The following KCNAB2 variants were observed in gnomAD, a reference collection of about 807,000 sequenced individuals.
KCNAB2 encodes potassium voltage-gated channel subfamily A regulatory beta subunit 2.
KCNAB2 carries 29 observed loss-of-function variants against 63.6 expected under a neutral mutation model. The ratio of observed to expected loss-of-function variants is 0.46; its 90% CI spans 0.34 to 0.62. The LOEUF is 0.62. Among genes scored for constraint, KCNAB2 ranks in the 20% least tolerant of loss-of-function variants. The pLI is 0.01. For synonymous variants in KCNAB2, 222 were observed against 224.2 expected (o/e 0.99, Z 0.09); for missense variants, 359 against 563.9 (o/e 0.64, Z 3.68).
chr1:6,051,544 C>G lies in KCNAB2; in HGVS notation c.8C>G (p.Ser3Cys). The change falls in exon 2 of 16, where the codon TCC becomes TGC. Residue 3 changes from serine to cysteine, a missense_variant. Around this residue, in one of 2 missense-constraint regions of KCNAB2, gnomAD observed 88 missense variants for 87.8 expected, o/e 1.00. Transcript: ENST00000378083. ...CCCAAGCCAGGCGGCACCATGCTGT[C>G]CATGACGTACAGCGAGAGTCTGCGG... is the stretch of plus-strand genomic sequence containing the variant. ML[S>C]MTYSESLRSV... 1.3e-6 allele frequency: 2 copies of G among 1,528,324 alleles called. No homozygotes were observed. The highest frequency in any genetic ancestry group is 1.8e-6 in the Non-Finnish European group (2 of 1,141,388). 94.7% of individuals were successfully genotyped at this position (1,528,324 alleles called of 1,614,324 possible). A position where few individuals can be genotyped will look rare whatever the true frequency, so the allele number is the denominator to read the frequency against.
rs940915432 is a variant in KCNAB2 at position 6,046,208 on chromosome 1, C to A, written c.-27+25C>A. 51 of 985,328 alleles carry A rather than the reference C, an allele frequency of 5.2e-5. No individual in the cohort carries two copies. In the Middle Eastern group the frequency reaches 1.6e-3, roughly 30 times the overall value. The allele number at this position is 985,328 out of a possible 1,614,324, so 61.0% of individuals were successfully genotyped here. A position where few individuals can be genotyped will look rare whatever the true frequency, so the allele number is the denominator to read the frequency against. ...GGTGAGTCCTCCCTTCAGCCGCTAC[C>A]TTCCTAGTGGAGATGCCGCTTGGGG... On this transcript the variant is annotated intron_variant, in intron 1 of 15. Transcript: ENST00000378083.
Position 6,098,982 on chromosome 1 carries a change from C to G in KCNAB2, c.*408C>G. 6.0e-6 allele frequency: 1 copy of G among 167,408 alleles called. No individual in the cohort carries two copies. The highest frequency in any genetic ancestry group is 1.5e-4 in the South Asian group (1 of 6,534). 10.4% of individuals were successfully genotyped at this position (167,408 alleles called of 1,614,324 possible). On this transcript the variant is annotated 3_prime_UTR_variant, in exon 16 of 16. Coordinates refer to ENST00000378083, the MANE Select transcript of KCNAB2 (RefSeq NM_001199862.2). ...GGGGCGGGCAGGGCCAGCCTCTCCT[C>G]TGCTGAGAATCCCCACTTGGTGTAG...
intron 1 of KCNAB2, among the ~76,000 whole-genome samples, chr1:6,017,062 C>T (rs762068203): frequency 6.6e-6 from 1 of 152,092 alleles, no homozygotes; most frequent in Non-Finnish European, 1.5e-5. Flanking sequence ...TGCCGAGCTC[C>T]GTACAGGCCG....
Position 6,094,376 on chromosome 1 carries a change from C to T in KCNAB2, c.647-24C>T, listed in dbSNP as rs199846396. On this transcript the variant is annotated intron_variant, in intron 10 of 15. Transcript: ENST00000378083. ...CTGAGCCCTGGCTGCCCCCCACCTG[C>T]GGTTTCCCTTTCTCTCACGACAGAG... The T allele has an allele frequency of 2.3e-4, 373 of 1,589,658 alleles. 1 individual carries two copies. In the African/African-American group the frequency reaches 4.4e-3, roughly 19 times the overall value.
chr1:6,095,460 C>T lies in KCNAB2; in HGVS notation c.853+17C>T. 6.2e-7 allele frequency: 1 copy of T among 1,612,492 alleles called. No homozygotes were observed. The highest frequency in any genetic ancestry group is 8.5e-7 in the Non-Finnish European group (1 of 1,179,764). On this transcript the variant is annotated intron_variant, in intron 12 of 15. Transcript: ENST00000378083. Reference sequence around the variant, plus strand: ...ACAAGATAGGTGGGCACCCTCGGGCCCCTCGCCCCGCCCCACCCCACCCCT... The same window carrying T: ...ACAAGATAGGTGGGCACCCTCGGGCTCCTCGCCCCGCCCCACCCCACCCCT...
rs142999618 is a variant in KCNAB2 at position 6,086,245 on chromosome 1, G to T, written c.425+997G>T. ...AATCCCAGTGCCAAGGGGAGCCCCCGCCCCCTCCCCCATGGATTCCTGACA... is the reference window on the plus strand; with the variant it reads ...AATCCCAGTGCCAAGGGGAGCCCCCTCCCCCTCCCCCATGGATTCCTGACA... On this transcript the variant is annotated intron_variant, in intron 6 of 15. Coordinates refer to ENST00000378083, the MANE Select transcript of KCNAB2 (RefSeq NM_001199862.2). The surrounding 1 kb of genome is among the most constrained non-coding windows in gnomAD (Gnocchi z 4.2). 9 of 703,506 alleles carry T rather than the reference G, an allele frequency of 1.3e-5. No homozygotes were observed. Among genetic ancestry groups the T allele is most frequent in the South Asian group, 1.3e-4 (2 of 15,036 alleles). 43.6% of individuals were successfully genotyped at this position (703,506 alleles called of 1,614,324 possible). A position where few individuals can be genotyped will look rare whatever the true frequency, so the allele number is the denominator to read the frequency against.
At chr1:6,054,367 C>T (rs796415592) in intron 2 of KCNAB2, among the ~76,000 whole-genome samples, 72 of 152,270 alleles carry the variant, frequency 4.7e-4, no homozygotes, top group African/African-American at 1.6e-3. Flanking sequence ...AGGTGGCTCA[C>T]GCCTGTAATC....
At chr1:6,040,153 C>A (rs548671661) in intron 1 of KCNAB2, among the ~76,000 whole-genome samples, 1 of 152,342 alleles carries the variant, frequency 6.6e-6, no homozygotes, top group African/African-American at 2.4e-5. Flanking sequence ...ACACAGATGC[C>A]CCCTGGGCGG....
chr1:6,053,864 G>A (rs1310101419), intron 2 of KCNAB2, among the ~76,000 whole-genome samples: 8 of 151,336 alleles, frequency 5.3e-5, no homozygotes, highest in East Asian at 2.0e-4. Flanking sequence ...GTAACATGGC[G>A]AAACCCCATC....
At chr1:6,030,540 TATG>T (rs1450764907), upstream of KCNAB2, among the ~76,000 whole-genome samples, 1 of 151,924 alleles carries the variant, frequency 6.6e-6, no homozygotes, top group Non-Finnish European at 1.5e-5. Context: ...TGTGTGTACA[TATG>T]TGTGTATGTG....
In KCNAB2 at chr1:6,078,450, G is replaced by A. The variant is rs546046031; in HGVS notation, c.301-3745G>A. ...AGTAGAAAAAGGAGGGCAGGGGGGC[G>A]GGGGTCCTGACGACAGGGTGGTCAG... On this transcript the variant is annotated intron_variant, in intron 4 of 15. Coordinates refer to ENST00000378083, the MANE Select transcript of KCNAB2 (RefSeq NM_001199862.2). The surrounding 1 kb of genome is among the most constrained non-coding windows in gnomAD (Gnocchi z 4.2). Among the ~76,000 whole-genome samples, 18 of 152,222 alleles carry A rather than the reference G, an allele frequency of 1.2e-4. No individual in the cohort carries two copies. The highest frequency in any genetic ancestry group is 2.6e-4 in the African/African-American group (11 of 41,520).
At chr1:6,025,577 C>T (rs1322178139) in intron 1 of KCNAB2, among the ~76,000 whole-genome samples, 1 of 152,230 alleles carries the variant, frequency 6.6e-6, no homozygotes, top group Non-Finnish European at 1.5e-5. Context: ...CTGGCCCGTC[C>T]TCCCCAGGGC....
intron 5 of KCNAB2, among the ~76,000 whole-genome samples, chr1:6,084,999 G>T (rs991485516): frequency 1.3e-5 from 2 of 152,160 alleles, no homozygotes; most frequent in Non-Finnish European, 2.9e-5. Flanking sequence ...CCATCCTAGT[G>T]GGGGGCAATA....
chr1:6,023,955 T>TTC (rs1658991580), intron 1 of KCNAB2, among the ~76,000 whole-genome samples: 1 of 145,570 alleles, frequency 6.9e-6, no homozygotes. Flanking sequence ...TTTTTTTTTT[T>TTC]CGAGATGGAA....
chr1:6,040,375 G>A lies in KCNAB2; in HGVS notation c.-52-142G>A, dbSNP rs1660398970. On this transcript the variant is annotated intron_variant, in intron 1 of 15. Transcript: ENST00000164247. Reference sequence around the variant, plus strand: ...GTGTCTGTCTGTCGTCTGTCTGTCTGTCTCTCTGCTGAGGGGCTCCCCGAT... The same window carrying A: ...GTGTCTGTCTGTCGTCTGTCTGTCTATCTCTCTGCTGAGGGGCTCCCCGAT... The A allele has an allele frequency of 6.4e-6, 4 of 621,134 alleles. No individual in the cohort carries two copies. In the Admixed American group the frequency reaches 1.1e-4, roughly 17 times the overall value. 38.5% of individuals were successfully genotyped at this position (621,134 alleles called of 1,614,324 possible).
rs559664613 is a variant in KCNAB2, at chr1:6,054,215, G to A, written c.218+2461G>A. Among the ~76,000 whole-genome samples, 23 of 152,176 alleles carry A rather than the reference G, an allele frequency of 1.5e-4. No individual in the cohort carries two copies. The South Asian group carries it at 3.7e-3, about 25-fold the overall frequency. On this transcript the variant is annotated intron_variant, in intron 2 of 15. Transcript: ENST00000378083. The stretch of plus-strand genomic sequence containing the variant: ...GTGGTGATAGAGAGTGGAGTGACGG[G>A]TCCACAACCCAAGGGACTCTGAGGA...
In KCNAB2 at chr1:6,015,016, C is replaced by CTTTT. The variant is rs34742623; in HGVS notation, c.-53+22251_-53+22254dup. ...TTTTATTACAGACGGGGTCACCTTC[C>CTTTT]TTTTTTTTTTTTTTTTTTTTTTTTT... On this transcript the variant is annotated intron_variant, in intron 1 of 16. Transcript: ENST00000341524. Among the ~76,000 whole-genome samples, 320 of 82,820 alleles carry CTTTT rather than the reference C, an allele frequency of 3.9e-3. 4 individuals carry two copies. The highest frequency in any genetic ancestry group is 4.8e-3 in the East Asian group (13 of 2,706). The allele number at this position is 82,820 out of a possible 152,430, so 54.3% of individuals were successfully genotyped here. A position where few individuals can be genotyped will look rare whatever the true frequency, so the allele number is the denominator to read the frequency against.
At chr1:6,065,370 G>T (rs1662659001) in intron 2 of KCNAB2, among the ~76,000 whole-genome samples, 1 of 152,210 alleles carries the variant, frequency 6.6e-6, no homozygotes, top group South Asian at 2.1e-4. Flanking sequence ...ATAATGAATG[G>T]CCAGACGCTG....
chr1:6,041,983 G>T (rs932622645), upstream of KCNAB2: 6 of 943,470 alleles, frequency 6.4e-6, no homozygotes, highest in Non-Finnish European at 6.8e-6. Context: ...TGAAGCCAAA[G>T]CCCCCGAGAC....
Sources: allele counts gnomAD v4.1 joint callset (sites outside exome capture counted in the v4.1 genomes callset), GRCh38; gene constraint gnomAD v4.1.1; regional missense constraint gnomAD v4.1.1; non-coding constraint Gnocchi (gnomAD v3.1); transcripts MANE v1.5; gene names NCBI Gene and HGNC (gene_info 2026-07-23, HGNC 2026-07-21).